The following GRM5 variants were observed in gnomAD, a reference collection of about 807,000 sequenced individuals.
The protein encoded by GRM5 is metabotropic glutamate receptor 5.
In GRM5, 19 loss-of-function variants were observed where a neutral mutation model predicts 83.1. The ratio of observed to expected loss-of-function variants is 0.23; its 90% confidence interval spans 0.16 to 0.34. The LOEUF is 0.34. Among genes scored for constraint, GRM5 ranks in the 10% least tolerant of loss-of-function variants. The pLI is 1.00. For synonymous variants in GRM5, 675 were observed against 633.6 expected (o/e 1.07, Z -0.98); for missense variants, 1,160 against 1,588.3 (o/e 0.73, Z 4.58).
chr11:88,894,191 G>C (rs557792655), intron 2 of GRM5, among the ~76,000 whole-genome samples: 1 of 152,034 alleles, frequency 6.6e-6, no homozygotes, highest in East Asian at 1.9e-4. Flanking sequence ...GGGGAGACCA[G>C]ACTTCCCTGT....
chr11:88,567,472 G>T lies in GRM5; in HGVS notation c.2211C>A (p.Asn737Lys), dbSNP rs202037029. Reference protein sequence around the residue: ...REVYLICNTTNLGVVTPLGYN... With the variant: ...REVYLICNTTKLGVVTPLGYN... Reference sequence around the variant, plus strand: ...ATCCAAGTGGAGTGACAACTCCTAGGTTGGTGGTGTTACAGATCAGGTAGA... The same window carrying T: ...ATCCAAGTGGAGTGACAACTCCTAGTTTGGTGGTGTTACAGATCAGGTAGA... The change falls in exon 8 of 10, where the codon AAC (asparagine) becomes AAA (lysine). Residue 737 changes from asparagine (N) to lysine (K), a missense_variant. Transcript: ENST00000305447. This position sits in a 1 kb window ranked among gnomAD's most constrained non-coding sequence, Gnocchi z 7.3. 1 of 1,613,878 alleles carries T rather than the reference G, an allele frequency of 6.2e-7. No homozygotes were observed. The highest frequency in any genetic ancestry group is 8.5e-7 in the Non-Finnish European group (1 of 1,179,728).
chr11:88,647,600 C>A (rs1392422313), intron 4 of GRM5, among the ~76,000 whole-genome samples: 2 of 152,084 alleles, frequency 1.3e-5, no homozygotes, highest in Non-Finnish European at 2.9e-5. Context: ...TGGGCAAGGA[C>A]TTCATGTCCA....
chr11:88,574,681 C>A (rs541146461), intron 7 of GRM5, among the ~76,000 whole-genome samples: 5 of 152,186 alleles, frequency 3.3e-5, no homozygotes, highest in African/African-American at 1.2e-4. Context: ...GCAGGAGAAT[C>A]GCTTGAACCC....
chr11:88,982,387 T>C (rs1939554947), intron 2 of GRM5, among the ~76,000 whole-genome samples: 1 of 152,182 alleles, frequency 6.6e-6, no homozygotes, highest in African/African-American at 2.4e-5. Flanking sequence ...TAATAGGAAG[T>C]AATAATTATC....
intron 2 of GRM5, among the ~76,000 whole-genome samples, chr11:88,994,210 A>G (rs1194494633): frequency 6.6e-6 from 1 of 151,692 alleles, no homozygotes; most frequent in Non-Finnish European, 1.5e-5. Flanking sequence ...ACAATGAGAC[A>G]CTGATGAAAG....
intron 8 of GRM5, among the ~76,000 whole-genome samples, chr11:88,549,718 AAG>A (rs1942461839): frequency 6.6e-6 from 1 of 152,024 alleles, no homozygotes; most frequent in Non-Finnish European, 1.5e-5. Flanking sequence ...GGCTGGATCC[AAG>A]GTTGGGAAGG....
chr11:88,779,371 A>T (rs890863469), intron 3 of GRM5, among the ~76,000 whole-genome samples: 2 of 152,128 alleles, frequency 1.3e-5, no homozygotes, highest in Non-Finnish European at 2.9e-5. Context: ...AGAATCTCTC[A>T]TATTTTTTTC....
intron 3 of GRM5, among the ~76,000 whole-genome samples, chr11:88,660,150 G>C (rs1490969580): frequency 6.6e-6 from 1 of 152,108 alleles, no homozygotes; most frequent in Non-Finnish European, 1.5e-5. Context: ...CCAGTCCATT[G>C]GGTTTTTCTC....
intron 3 of GRM5, among the ~76,000 whole-genome samples, chr11:88,767,319 T>G (rs563089779): frequency 1.1e-4 from 17 of 152,074 alleles, no homozygotes; most frequent in African/African-American, 4.1e-4. Context: ...GAAATCGCAT[T>G]ATTAGGCATA....
At chr11:88,812,937 A>G (rs1252686647) in intron 3 of GRM5, among the ~76,000 whole-genome samples, 1 of 152,066 alleles carries the variant, frequency 6.6e-6, no homozygotes, top group African/African-American at 2.4e-5. Context: ...TGCTTGTTTC[A>G]TTCATATTTT....
At chr11:88,758,043 TAC>T (rs1443818723) in intron 3 of GRM5, among the ~76,000 whole-genome samples, 1 of 152,096 alleles carries the variant, frequency 6.6e-6, no homozygotes, top group Non-Finnish European at 1.5e-5. Flanking sequence ...ACCCACCTTA[TAC>T]CACAATCAAA....
chr11:88,585,198 C>T (rs887347887), intron 7 of GRM5, among the ~76,000 whole-genome samples: 5 of 152,288 alleles, frequency 3.3e-5, no homozygotes, highest in African/African-American at 9.6e-5. Context: ...ACCTAGCATA[C>T]GAACAGCCAG....
At chr11:88,642,611 G>T (rs895255427) in intron 4 of GRM5, among the ~76,000 whole-genome samples, 1 of 152,118 alleles carries the variant, frequency 6.6e-6, no homozygotes, top group Non-Finnish European at 1.5e-5. Flanking sequence ...CCACATCTGA[G>T]CACAGACAGA....
intron 3 of GRM5, among the ~76,000 whole-genome samples, chr11:88,783,504 G>A (rs1943012051): frequency 6.6e-6 from 1 of 152,108 alleles, no homozygotes; most frequent in Non-Finnish European, 1.5e-5. Context: ...TGGAATAAAT[G>A]CAACGACAAG....
intron 8 of GRM5, among the ~76,000 whole-genome samples, chr11:88,530,898 A>G (rs944300195): frequency 3.9e-5 from 6 of 152,084 alleles, no homozygotes; most frequent in Admixed American, 3.3e-4. Flanking sequence ...GACCAGGAAT[A>G]GGAACATTAA....
intron 8 of GRM5, among the ~76,000 whole-genome samples, chr11:88,563,821 G>C (rs1227757301): frequency 6.6e-6 from 1 of 152,166 alleles, no homozygotes; most frequent in Non-Finnish European, 1.5e-5. Flanking sequence ...TTATACACTG[G>C]CTTTTCATAA....
intron 2 of GRM5, among the ~76,000 whole-genome samples, chr11:89,016,917 T>A (rs1940872330): frequency 6.6e-6 from 1 of 152,160 alleles, no homozygotes; most frequent in Non-Finnish European, 1.5e-5. Context: ...TGGGAGTACA[T>A]GATGAGAGTA....
At position 88,509,281 on chromosome 11, in the gene GRM5, C is replaced by T; in HGVS notation, c.2950G>A (p.Gly984Ser). The change falls in exon 10 of 10, where the codon GGC (glycine) becomes AGC (serine). Residue 984 changes from glycine to serine, a missense_variant. Coordinates refer to ENST00000305447, the MANE Select transcript of GRM5 (RefSeq NM_001143831.3). Reference protein sequence around the residue: ...VGATGGAGCAGAGPGGPESPD... With the variant: ...VGATGGAGCASAGPGGPESPD... ...GACTCGGGCCCGCCTGGGCCGGCGC[C>T]TGCGCAGCCCGCACCGCCCGTGGCC... 1.4e-6 allele frequency: 2 copies of T among 1,459,194 alleles called. No homozygotes were observed. The highest frequency in any genetic ancestry group is 1.8e-6 in the Non-Finnish European group (2 of 1,111,344). The allele number at this position is 1,459,194 out of a possible 1,614,324, so 90.4% of individuals were successfully genotyped here. A position where few individuals can be genotyped will look rare whatever the true frequency, so the allele number is the denominator to read the frequency against.
At chr11:88,688,252 T>A (rs1342223437) in intron 3 of GRM5, among the ~76,000 whole-genome samples, 2 of 152,200 alleles carry the variant, frequency 1.3e-5, no homozygotes, top group Non-Finnish European at 2.9e-5. Flanking sequence ...AAATAGTGGA[T>A]AAAATATAGT....
Sources: gnomAD v4.1 joint callset for allele counts (sites outside exome capture counted in the v4.1 genomes callset) on GRCh38, gnomAD v4.1.1 for gene constraint, Gnocchi (gnomAD v3.1) non-coding constraint, MANE v1.5 for transcripts, NCBI Gene and HGNC (gene_info 2026-07-23, HGNC 2026-07-21) for gene names.